Variants in MIER2 observed in about 807,000 individuals in gnomAD.
MIER2 encodes MIER family member 2, also known as mesoderm induction early response protein 2.
In MIER2, 30 loss-of-function variants were observed where a neutral mutation model predicts 67.6. That is an observed-to-expected ratio of 0.44 (90% confidence interval 0.33 to 0.60). The LOEUF (loss-of-function observed/expected upper bound fraction) is 0.60, where lower values mean the gene tolerates loss of function less well. MIER2 is among the 20% of genes least tolerant of loss of function. MIER2 has a pLI of 0.02. For missense variants in MIER2, 702 were observed against 745.1 expected, an observed-to-expected ratio of 0.94 and a Z score of 0.67; for synonymous variants, 372 against 312.6, an observed-to-expected ratio of 1.19 and a Z score of -2.00.
At chr19:326,771 A>C (rs1232907008) in intron 5 of MIER2, 173 bp from the exon 6 acceptor site, 2 of 611,826 alleles carry the variant, frequency 3.3e-6, no homozygotes, top group East Asian at 5.6e-5. Flanking sequence ...TGCACCTTTG[A>C]AGAAAGAGGC....
At chr19:326,683 C>T in intron 5 of MIER2, 85 bp from the exon 6 acceptor site, 3 of 1,080,480 alleles carry the variant, frequency 2.8e-6, no homozygotes, top group Non-Finnish European at 4.3e-6. Flanking sequence ...ATTCTCCATC[C>T]ACCTGATCCC....
intron 1 of MIER2, among the ~76,000 whole-genome samples, chr19:336,718 G>A (rs771437479): frequency 1.3e-5 from 2 of 152,074 alleles, no homozygotes; most frequent in Non-Finnish European, 2.9e-5. Context: ...GCATGGTCGT[G>A]AATACACTAA....
intron 10 of MIER2, among the ~76,000 whole-genome samples, chr19:309,332 G>A (rs1243341631): frequency 1.3e-5 from 2 of 152,092 alleles, no homozygotes; most frequent in Non-Finnish European, 2.9e-5. Context: ...GTGGGAGTGG[G>A]AGTGACAACC....
intron 2 of MIER2, among the ~76,000 whole-genome samples, chr19:335,825 G>A (rs540590679): frequency 2.6e-5 from 4 of 152,240 alleles, no homozygotes; most frequent in Admixed American, 6.5e-5. Flanking sequence ...GCGTGTGCCC[G>A]GGTCCTCTGC....
chr19:331,806 C>G (rs1299432917), intron 3 of MIER2, among the ~76,000 whole-genome samples: 1 of 151,892 alleles, frequency 6.6e-6, no homozygotes, highest in Non-Finnish European at 1.5e-5. Context: ...CATGATGAAA[C>G]CCCGTCTCTG....
intron 7 of MIER2, among the ~76,000 whole-genome samples, chr19:317,190 C>G (rs889986919): frequency 2.0e-5 from 3 of 152,026 alleles, no homozygotes; most frequent in Non-Finnish European, 4.4e-5. Flanking sequence ...GTCAGGAGAT[C>G]GAGACCATCC....
chr19:334,761 T>G (rs940426910), intron 2 of MIER2, among the ~76,000 whole-genome samples: 4 of 151,790 alleles, frequency 2.6e-5, no homozygotes, highest in African/African-American at 9.7e-5. Flanking sequence ...TTTTGGGGGG[T>G]GGGTGTGTCT....
chr19:343,858 CA>C, intron 1 of MIER2: 2 of 985,356 alleles, frequency 2.0e-6, no homozygotes, highest in Non-Finnish European at 2.4e-6. Flanking sequence ...AAAGCAAGTC[CA>C]CACAGGCTCA....
intron 7 of MIER2, among the ~76,000 whole-genome samples, chr19:324,017 C>T (rs978820940): frequency 4.6e-5 from 7 of 151,002 alleles, no homozygotes; most frequent in Non-Finnish European, 1.0e-4. Context: ...CACACAACCA[C>T]GCAGACGACT....
chr19:343,972 G>C (rs1600186506), intron 1 of MIER2: 1 of 985,322 alleles, frequency 1.0e-6, no homozygotes, highest in Non-Finnish European at 1.2e-6. Context: ...GACAGTCCTA[G>C]GTGGGTTTGA....
intron 10 of MIER2, among the ~76,000 whole-genome samples, chr19:309,785 G>GAC (rs762262353): frequency 3.5e-4 from 37 of 106,176 alleles, no homozygotes; most frequent in African/African-American, 4.2e-4. Flanking sequence ...GACGAGAAGG[G>GAC]ACACACACAC....
intron 1 of MIER2, among the ~76,000 whole-genome samples, chr19:343,390 G>C (rs1437467557): frequency 1.3e-5 from 2 of 152,232 alleles, no homozygotes; most frequent in Non-Finnish European, 2.9e-5. Flanking sequence ...GACCCTGGAG[G>C]ACAGCCACCA....
Position 305,963 on chromosome 19 carries a change from T to C in MIER2, c.*727A>G, listed in dbSNP as rs1970629658. The C allele has an allele frequency of 6.6e-6, 1 of 152,134 alleles. No individual in the cohort carries two copies. The highest frequency in any genetic ancestry group is 6.5e-5 in the Admixed American group (1 of 15,280). 9.4% of individuals were successfully genotyped at this position (152,134 alleles called of 1,614,324 possible). ...CCGGGGGAGGACAGCAAAGGGGATGTAAATCACCTGTCTCCTCAAACCCAC... is the reference window on the plus strand; with the variant it reads ...CCGGGGGAGGACAGCAAAGGGGATGCAAATCACCTGTCTCCTCAAACCCAC... On this transcript the variant is annotated 3_prime_UTR_variant, in exon 14 of 14. Transcript: ENST00000264819.
intron 7 of MIER2, among the ~76,000 whole-genome samples, chr19:318,916 G>A (rs988767787): frequency 2.0e-5 from 3 of 152,032 alleles, no homozygotes; most frequent in Non-Finnish European, 4.4e-5. Flanking sequence ...AACTAGCCGG[G>A]CGTGGTGGTG....
At chr19:317,293 T>A (rs58922652) in intron 7 of MIER2, among the ~76,000 whole-genome samples, 1 of 150,862 alleles carries the variant, frequency 6.6e-6, no homozygotes, top group African/African-American at 2.4e-5. Flanking sequence ...TTTGGGAGGC[T>A]GAGGCGGGCG....
chr19:329,297 C>A (rs1321670530), intron 3 of MIER2, among the ~76,000 whole-genome samples: 1 of 152,208 alleles, frequency 6.6e-6, no homozygotes, highest in Non-Finnish European at 1.5e-5. Context: ...GTGGAAAGAA[C>A]AGATTCTGTA....
chr19:344,747 G>A (rs888119155), intron 1 of MIER2, 27 bp downstream of exon 1: 25 of 1,166,552 alleles, frequency 2.1e-5, no homozygotes, highest in East Asian at 3.9e-5. Context: ...GGGGCGGGGG[G>A]CCGGCTCCCC....
intron 7 of MIER2, among the ~76,000 whole-genome samples, chr19:324,621 G>T (rs372712662): frequency 6.9e-6 from 1 of 145,610 alleles, no homozygotes; most frequent in Admixed American, 6.8e-5. Context: ...CCACGCAGAC[G>T]ACTCGAATGA....
chr19:321,488 T>C (rs1411882081), intron 7 of MIER2, among the ~76,000 whole-genome samples: 1 of 151,882 alleles, frequency 6.6e-6, no homozygotes, highest in Non-Finnish European at 1.5e-5. Context: ...CCGCTAAAAA[T>C]ACAAAAATGA....
Sources: allele counts gnomAD v4.1 joint callset (sites outside exome capture counted in the v4.1 genomes callset), GRCh38; gene constraint gnomAD v4.1.1; transcripts MANE v1.5; gene names NCBI Gene and HGNC (gene_info 2026-07-23, HGNC 2026-07-21).